Variants in GRIN2A observed in about 807,000 individuals in gnomAD.
GRIN2A encodes glutamate receptor ionotropic, NMDA 2A.
GRIN2A carries 22 observed loss-of-function variants against 113.4 expected under a neutral mutation model. That is an observed-to-expected ratio of 0.19 (90% CI 0.14 to 0.28). GRIN2A has a LOEUF of 0.28. Ranked by LOEUF, GRIN2A falls within the 10% of genes least tolerant of loss-of-function variation. The probability of loss-of-function intolerance (pLI) is 1.00; values close to 1 mark genes in which losing one functional copy is unlikely to be tolerated. For synonymous variants in GRIN2A, 827 were observed against 738.4 expected, an observed-to-expected ratio of 1.12 and a Z score of -1.94; for missense variants, 1,502 against 1,887.0, an observed-to-expected ratio of 0.80 and a Z score of 3.78.
chr16:10,086,848 G>T (rs571644021), intron 2 of GRIN2A, among the ~76,000 whole-genome samples: 3 of 152,318 alleles, frequency 2.0e-5, no homozygotes, highest in African/African-American at 7.2e-5. Flanking sequence ...TAAGCTCTTA[G>T]TGGGCAGGAA....
Position 10,059,760 on chromosome 16 carries a change from G to C in GRIN2A, c.414+120238C>G, listed in dbSNP as rs180877284. 3.6e-3 allele frequency among the ~76,000 whole-genome samples: 546 copies of C among 151,872 alleles called. 1 individual carries two copies. Among genetic ancestry groups the C allele is most frequent in the African/African-American group, 0.012 (506 of 41,422 alleles). ...AAACAAACAAGATTTTTAGAGGGTG[G>C]TGAGAGGTAAGAGGTAAGTGAAGAG... On this transcript the variant is annotated intron_variant, in intron 2 of 12. Transcript: ENST00000330684.
intron 2 of GRIN2A, among the ~76,000 whole-genome samples, chr16:10,155,909 T>C (rs1339728905): frequency 1.3e-5 from 2 of 152,200 alleles, no homozygotes; most frequent in African/African-American, 4.8e-5. Context: ...ATGAGGATTA[T>C]GGAAGCTACA....
intron 2 of GRIN2A, 98 bp downstream of exon 2, chr16:10,179,900 C>CAA: frequency 1.9e-6 from 1 of 534,244 alleles, no homozygotes; most frequent in Non-Finnish European, 3.6e-6. Context: ...CCCCACTTCA[C>CAA]ATCAAGACAG....
chr16:9,866,715 T>C (rs2043165782), intron 4 of GRIN2A, among the ~76,000 whole-genome samples: 1 of 152,230 alleles, frequency 6.6e-6, no homozygotes. Flanking sequence ...AACACATCCA[T>C]ACTTGTCAGA....
intron 2 of GRIN2A, among the ~76,000 whole-genome samples, chr16:10,172,645 C>T (rs937061763): frequency 6.6e-6 from 1 of 152,214 alleles, no homozygotes; most frequent in African/African-American, 2.4e-5. Flanking sequence ...AGATTCATCT[C>T]CAGCCAACTG....
intron 2 of GRIN2A, chr16:10,031,271 G>A (rs976055254): frequency 6.6e-6 from 1 of 152,116 alleles, no homozygotes; most frequent in Non-Finnish European, 1.5e-5. Context: ...CCCACCTCAG[G>A]GTCTTTGCCA....
At chr16:9,813,338 G>T (rs1272959206) in intron 10 of GRIN2A, among the ~76,000 whole-genome samples, 1 of 152,116 alleles carries the variant, frequency 6.6e-6, no homozygotes, top group East Asian at 1.9e-4. Flanking sequence ...GACAATACAA[G>T]AATGAAATGC....
intron 10 of GRIN2A, among the ~76,000 whole-genome samples, chr16:9,816,365 G>GT (rs142326643): frequency 0.01 from 1,542 of 152,290 alleles, 26 homozygotes; most frequent in African/African-American, 0.035. Context: ...ACAGAGACCT[G>GT]TTTTTTAACA....
chr16:10,014,300 G>T (rs998593854), intron 2 of GRIN2A, among the ~76,000 whole-genome samples: 3 of 152,232 alleles, frequency 2.0e-5, no homozygotes, highest in Non-Finnish European at 4.4e-5. Context: ...TGCAAGACCA[G>T]TATGTATGTC....
chr16:10,064,245 C>T (rs554021067), intron 2 of GRIN2A, among the ~76,000 whole-genome samples: 1 of 152,282 alleles, frequency 6.6e-6, no homozygotes, highest in South Asian at 2.1e-4. Flanking sequence ...AAACTAGCCA[C>T]AGCAACATGC....
intron 3 of GRIN2A, among the ~76,000 whole-genome samples, chr16:9,906,443 T>C (rs1173067499): frequency 6.6e-6 from 1 of 152,208 alleles, no homozygotes; most frequent in African/African-American, 2.4e-5. Flanking sequence ...TTCCTGATAA[T>C]AGATCTTCCC....
intron 2 of GRIN2A, among the ~76,000 whole-genome samples, chr16:9,977,832 A>G (rs1413450182): frequency 6.6e-6 from 1 of 152,180 alleles, no homozygotes; most frequent in East Asian, 1.9e-4. Context: ...TCTTAGCTCA[A>G]TCTCAGCTCC....
intron 2 of GRIN2A, among the ~76,000 whole-genome samples, chr16:9,962,297 A>T (rs1209038177): frequency 6.6e-6 from 1 of 152,222 alleles, no homozygotes; most frequent in African/African-American, 2.4e-5. Flanking sequence ...CTGCACAGCA[A>T]AAGAAACCAC....
intron 4 of GRIN2A, among the ~76,000 whole-genome samples, chr16:9,871,658 T>A (rs950541478): frequency 2.6e-5 from 4 of 152,226 alleles, no homozygotes; most frequent in African/African-American, 9.6e-5. Flanking sequence ...TCTCTGGTCC[T>A]CATTTTTCTC....
intron 4 of GRIN2A, among the ~76,000 whole-genome samples, chr16:9,889,075 C>A (rs190523357): frequency 9.6e-4 from 146 of 152,156 alleles, no homozygotes; most frequent in Non-Finnish European, 9.3e-4. Context: ...ACGAAGCCAT[C>A]TAGGCCAGGA....
chr16:9,969,288 C>T (rs1236511055), intron 2 of GRIN2A, among the ~76,000 whole-genome samples: 1 of 152,134 alleles, frequency 6.6e-6, no homozygotes, highest in Non-Finnish European at 1.5e-5. Context: ...TCCTCCATTG[C>T]TGCCTGAAAC....
intron 9 of GRIN2A, 61 bp from the exon 10 acceptor site, chr16:9,822,485 G>T: frequency 1.8e-6 from 2 of 1,112,174 alleles, no homozygotes; most frequent in Non-Finnish European, 2.8e-6. Flanking sequence ...GGAGGAGGGG[G>T]AGGAGAGAAC....
chr16:9,758,839 T>C lies in GRIN2A; in HGVS notation c.*4310A>G. 4.6e-6 allele frequency: 1 copy of C among 215,902 alleles called. No individual in the cohort carries two copies. 13.4% of individuals were successfully genotyped at this position (215,902 alleles called of 1,614,324 possible). A position where few individuals can be genotyped will look rare whatever the true frequency, so the allele number is the denominator to read the frequency against. On this transcript the variant is annotated 3_prime_UTR_variant, in exon 13 of 13. Coordinates refer to ENST00000330684, the MANE Select transcript of GRIN2A (RefSeq NM_001134407.3). Reference sequence around the variant, plus strand: ...TTCAACCCTGTTCACCAAAAAGAGATGGGGTATCTGGAAAGGTCTAATTTT... The same window carrying C: ...TTCAACCCTGTTCACCAAAAAGAGACGGGGTATCTGGAAAGGTCTAATTTT...
At chr16:10,158,956 T>C (rs193150487) in intron 2 of GRIN2A, among the ~76,000 whole-genome samples, 3 of 152,252 alleles carry the variant, frequency 2.0e-5, no homozygotes. Flanking sequence ...TTAGTCAAAG[T>C]GGCCAAAATG....
Sources: allele counts gnomAD v4.1 joint callset (sites outside exome capture counted in the v4.1 genomes callset), GRCh38; gene constraint gnomAD v4.1.1; transcripts MANE v1.5; gene names NCBI Gene and HGNC (gene_info 2026-07-23, HGNC 2026-07-21).